The following SIAH1 variants were observed in gnomAD, a reference collection of about 807,000 sequenced individuals.
SIAH1 encodes E3 ubiquitin-protein ligase SIAH1.
A neutral mutation model predicts 20.0 loss-of-function variants in SIAH1; 2 were observed. The observed-to-expected ratio is 0.10, with a 90% CI of 0.04 to 0.31. The LOEUF is 0.31. SIAH1 is among the 10% of genes least tolerant of loss of function. The pLI is 1.00. For missense variants in SIAH1, 119 were observed against 355.3 expected, an observed-to-expected ratio of 0.33 and a Z score of 5.35; for synonymous variants, 118 against 125.3, an observed-to-expected ratio of 0.94 and a Z score of 0.39.
intron 1 of SIAH1, among the ~76,000 whole-genome samples, chr16:48,375,287 T>C (rs1371099663): frequency 8.5e-5 from 13 of 152,278 alleles, no homozygotes; most frequent in African/African-American, 2.9e-4. Flanking sequence ...CTTCTTTAAA[T>C]AAAATGGACT....
intron 1 of SIAH1, among the ~76,000 whole-genome samples, chr16:48,382,725 A>G (rs890720056): frequency 1.3e-5 from 2 of 152,208 alleles, no homozygotes; most frequent in Non-Finnish European, 2.9e-5. Context: ...CATTTCACAA[A>G]GCGAATATGG....
chr16:48,375,464 ACT>A (rs1368587523), intron 1 of SIAH1, among the ~76,000 whole-genome samples: 2 of 152,074 alleles, frequency 1.3e-5, no homozygotes, highest in Admixed American at 6.6e-5. Context: ...ACATGGTGAA[ACT>A]GTTTCTACTA....
intron 1 of SIAH1, among the ~76,000 whole-genome samples, chr16:48,370,514 C>CTAAGAAAATAGAAAATTT (rs1960956280): frequency 6.6e-6 from 1 of 152,162 alleles, no homozygotes; most frequent in Admixed American, 6.5e-5. Flanking sequence ...TTTATCCCCA[C>CTAAGAAAATAGAAAATTT]CTTACTTAAG....
At chr16:48,374,074 TA>T (rs1434542264) in intron 1 of SIAH1, among the ~76,000 whole-genome samples, 1 of 152,224 alleles carries the variant, frequency 6.6e-6, no homozygotes, top group Non-Finnish European at 1.5e-5. Flanking sequence ...TGTGTACTCC[TA>T]AATCTTTGGC....
At chr16:48,377,021 T>C (rs1413271050) in intron 1 of SIAH1, among the ~76,000 whole-genome samples, 1 of 152,244 alleles carries the variant, frequency 6.6e-6, no homozygotes, top group East Asian at 1.9e-4. Flanking sequence ...ATATTTACTG[T>C]ATCAACCATC....
In SIAH1 at chr16:48,361,509, G is replaced by A. The variant is rs766290179; in HGVS notation, c.*71C>T. ...CTACCGAAAGAGTTTTAGGTTGGCA[G>A]ACAGATGGGTGCCTTATTTTCTGTG... On this transcript the variant is annotated 3_prime_UTR_variant, in exon 2 of 2. Coordinates refer to ENST00000394725, the MANE Select transcript of SIAH1 (RefSeq NM_003031.4). 6.6e-7 allele frequency: 1 copy of A among 1,520,446 alleles called. No individual in the cohort carries two copies. Among genetic ancestry groups the A allele is most frequent in the Non-Finnish European group, 9.0e-7 (1 of 1,107,364 alleles). 94.2% of individuals were successfully genotyped at this position (1,520,446 alleles called of 1,614,324 possible). A position where few individuals can be genotyped will look rare whatever the true frequency, so the allele number is the denominator to read the frequency against.
intron 1 of SIAH1, among the ~76,000 whole-genome samples, chr16:48,381,338 G>T (rs781107816): frequency 1.3e-5 from 2 of 152,124 alleles, no homozygotes; most frequent in African/African-American, 2.4e-5. Flanking sequence ...GAGTGAGACT[G>T]TCTCAAAAAA....
upstream of SIAH1, among the ~76,000 whole-genome samples, chr16:48,385,701 G>A (rs1021815713): frequency 5.9e-5 from 9 of 152,120 alleles, no homozygotes; most frequent in Non-Finnish European, 1.2e-4. Flanking sequence ...TTGCCCGTCG[G>A]CTCAGGGCAG....
chr16:48,377,856 T>C (rs945938008), intron 1 of SIAH1, among the ~76,000 whole-genome samples: 9 of 152,062 alleles, frequency 5.9e-5, no homozygotes, highest in African/African-American at 1.2e-4. Flanking sequence ...GGCGGCAGGA[T>C]TGCTAAAGCC....
intron 1 of SIAH1, among the ~76,000 whole-genome samples, chr16:48,384,713 G>A (rs1412283848): frequency 6.6e-6 from 1 of 151,086 alleles, no homozygotes; most frequent in Non-Finnish European, 1.5e-5. Flanking sequence ...CCGGGCCTCC[G>A]GGCGCCGCGG....
intron 1 of SIAH1, among the ~76,000 whole-genome samples, chr16:48,372,094 G>A (rs896142245): frequency 6.6e-6 from 1 of 152,086 alleles, no homozygotes; most frequent in African/African-American, 2.4e-5. Flanking sequence ...AAGCATAAAA[G>A]AGCATATTGC....
At chr16:48,365,778 A>G in intron 1 of SIAH1, 1 of 1,341,538 alleles carries the variant, frequency 7.5e-7, no homozygotes, top group Non-Finnish European at 9.5e-7. Context: ...TGTTTTCTCC[A>G]GATTCACTGG....
intron 1 of SIAH1, among the ~76,000 whole-genome samples, chr16:48,383,649 G>C (rs1961356211): frequency 6.6e-6 from 1 of 152,094 alleles, no homozygotes; most frequent in Non-Finnish European, 1.5e-5. Flanking sequence ...TAATCAATTT[G>C]ATTTTTTTTA....
At chr16:48,373,658 A>G (rs1017087541) in intron 1 of SIAH1, among the ~76,000 whole-genome samples, 3 of 152,102 alleles carry the variant, frequency 2.0e-5, no homozygotes, top group Admixed American at 6.5e-5. Flanking sequence ...TCACCACCTA[A>G]TATGTTCTGA....
At position 48,372,651 on chromosome 16, in the gene SIAH1, C is replaced by T. The variant is rs1961014030; in HGVS notation, c.-2-10221G>A. Among the ~76,000 whole-genome samples, 4 of 152,094 alleles carry T rather than the reference C, an allele frequency of 2.6e-5. No individual in the cohort carries two copies. The South Asian group carries it at 8.3e-4, about 31-fold the overall frequency. ...ATAATTCATTTGTGTGAAGCAAAGCCTAAATGCCATCATGGTTTCCACTAA... is the reference window on the plus strand; with the variant it reads ...ATAATTCATTTGTGTGAAGCAAAGCTTAAATGCCATCATGGTTTCCACTAA... On this transcript the variant is annotated intron_variant, in intron 1 of 1. Coordinates refer to ENST00000394725, the MANE Select transcript of SIAH1 (RefSeq NM_003031.4).
intron 1 of SIAH1, among the ~76,000 whole-genome samples, chr16:48,364,359 A>G (rs1216463993): frequency 1.3e-5 from 2 of 152,246 alleles, no homozygotes; most frequent in Non-Finnish European, 2.9e-5. Flanking sequence ...AATAAATGCA[A>G]CTTAGGTTTA....
At chr16:48,365,427 C>G (rs1960793312) in intron 1 of SIAH1, 3 of 1,614,006 alleles carry the variant, frequency 1.9e-6, no homozygotes, top group Non-Finnish European at 2.5e-6. Context: ...AACATGTGAA[C>G]AAGACTCCCC....
At chr16:48,380,273 T>C (rs1430403713) in intron 1 of SIAH1, among the ~76,000 whole-genome samples, 2 of 151,962 alleles carry the variant, frequency 1.3e-5, no homozygotes, top group Admixed American at 6.6e-5. Flanking sequence ...ACCCCGTCTC[T>C]ACTAAATATA....
intron 1 of SIAH1, among the ~76,000 whole-genome samples, chr16:48,371,114 CAA>C (rs11342599): frequency 0.015 from 1,714 of 111,358 alleles, 29 homozygotes; most frequent in African/African-American, 0.049. Context: ...AATTCCATCT[CAA>C]AAAAAAAAAA....
Sources: allele counts gnomAD v4.1 joint callset (sites outside exome capture counted in the v4.1 genomes callset), GRCh38; gene constraint gnomAD v4.1.1; transcripts MANE v1.5; gene names NCBI Gene and HGNC (gene_info 2026-07-23, HGNC 2026-07-21).